Variants in ARHGAP39 observed in about 807,000 individuals in gnomAD.
ARHGAP39 encodes rho GTPase-activating protein 39.
In ARHGAP39, 44 loss-of-function variants were observed where a neutral mutation model predicts 106.9. The ratio of observed to expected loss-of-function variants is 0.41; its 90% CI spans 0.32 to 0.53. ARHGAP39 has a LOEUF of 0.53. Ranked by LOEUF, ARHGAP39 falls within the 20% of genes least tolerant of loss-of-function variation. The probability of loss-of-function intolerance (pLI) is 0.21; values close to 1 mark genes in which losing one functional copy is unlikely to be tolerated. For synonymous variants in ARHGAP39, 768 were observed against 693.2 expected (o/e 1.11, Z -1.69); for missense variants, 1,496 against 1,577.3 (o/e 0.95, Z 0.87).
In ARHGAP39 at chr8:144,532,245, C is replaced by T. The variant is rs1289790857; in HGVS notation, c.2980+60G>A. ...TGGACCCCAGAGGCGGAGACAGGGGCCCCTGAGAACCACTGCCTGAGCCAG... is the reference window on the plus strand; with the variant it reads ...TGGACCCCAGAGGCGGAGACAGGGGTCCCTGAGAACCACTGCCTGAGCCAG... On this transcript the variant is annotated intron_variant, in intron 10 of 11. Transcript: ENST00000377307. 4.0e-6 allele frequency: 6 copies of T among 1,513,020 alleles called. No individual in the cohort carries two copies. The Admixed American group carries it at 5.2e-5, about 13-fold the overall frequency. 93.7% of individuals were successfully genotyped at this position (1,513,020 alleles called of 1,614,324 possible). A position where few individuals can be genotyped will look rare whatever the true frequency, so the allele number is the denominator to read the frequency against.
chr8:144,666,693 G>A (rs748807335), intron 1 of ARHGAP39, among the ~76,000 whole-genome samples: 3 of 152,218 alleles, frequency 2.0e-5, no homozygotes, highest in Non-Finnish European at 4.4e-5. Flanking sequence ...CCCCAGCCAT[G>A]TGGAACGGTA....
chr8:144,547,987 G>A lies in ARHGAP39; in HGVS notation c.1099C>T (p.Pro367Ser). The A allele has an allele frequency of 6.2e-7, 1 of 1,609,774 alleles. No individual in the cohort carries two copies. The highest frequency in any genetic ancestry group is 8.5e-7 in the Non-Finnish European group (1 of 1,178,908). ...LQPNKQGPPS[P>S]CQQLVLTKQK... ...TTGGTGAGCACCAGCTGCTGGCAGG[G>A]CGAGGGGGGGCCCTGCTTGTTGGGC... is the stretch of plus-strand genomic sequence containing the variant. The change falls in exon 5 of 12, where the codon CCC becomes TCC. Residue 367 changes from proline to serine, a missense_variant. Transcript: ENST00000377307. This position sits in a 1 kb window ranked among gnomAD's most constrained non-coding sequence, Gnocchi z 5.2.
chr8:144,648,488 A>C (rs192026338), intron 1 of ARHGAP39, among the ~76,000 whole-genome samples: 26 of 152,346 alleles, frequency 1.7e-4, no homozygotes, highest in African/African-American at 4.3e-4. Context: ...TCGTTCCAGA[A>C]AGAAAACAGC....
At chr8:144,538,778 C>G (rs936047435) in intron 6 of ARHGAP39, among the ~76,000 whole-genome samples, 2 of 152,076 alleles carry the variant, frequency 1.3e-5, no homozygotes, top group Admixed American at 6.6e-5. Flanking sequence ...ACCATGTTGG[C>G]CAGGCTGGTC....
intron 1 of ARHGAP39, among the ~76,000 whole-genome samples, chr8:144,618,809 T>C (rs1295045294): frequency 1.3e-5 from 2 of 152,240 alleles, no homozygotes; most frequent in Non-Finnish European, 2.9e-5. Context: ...CCCCCGGCAC[T>C]GCCTACCTCC....
At chr8:144,672,192 C>T (rs1042017901) in intron 1 of ARHGAP39, among the ~76,000 whole-genome samples, 1 of 152,234 alleles carries the variant, frequency 6.6e-6, no homozygotes, top group African/African-American at 2.4e-5. Flanking sequence ...TCAGAAGCTG[C>T]TCCCCTTTAT....
chr8:144,697,962 G>C, the ARHGAP39 span, among the ~76,000 whole-genome samples: 1 of 152,158 alleles, frequency 6.6e-6, no homozygotes, highest in Non-Finnish European at 1.5e-5. Flanking sequence ...TAAACATAGA[G>C]ATCTGGGTCT....
intron 1 of ARHGAP39, among the ~76,000 whole-genome samples, chr8:144,653,624 C>T (rs1821626546): frequency 6.6e-6 from 1 of 152,194 alleles, no homozygotes; most frequent in African/African-American, 2.4e-5. Context: ...AGTTAAGACT[C>T]CCATGCAGAA....
chr8:144,608,436 A>G (rs1820375725), intron 1 of ARHGAP39, among the ~76,000 whole-genome samples: 1 of 152,104 alleles, frequency 6.6e-6, no homozygotes, highest in Admixed American at 6.5e-5. Flanking sequence ...TTGTCCTCTT[A>G]GACTCAACTC....
chr8:144,555,144 A>G (rs1817868018), intron 4 of ARHGAP39, among the ~76,000 whole-genome samples: 1 of 152,248 alleles, frequency 6.6e-6, no homozygotes, highest in Non-Finnish European at 1.5e-5. Flanking sequence ...GCAGTCTGTG[A>G]GGCTGACCCA....
Position 144,547,491 on chromosome 8 carries a change from C to T in ARHGAP39, c.1595G>A (p.Ser532Asn), listed in dbSNP as rs1340415985. 2 of 1,521,010 alleles carry T rather than the reference C, an allele frequency of 1.3e-6. No homozygotes were observed. The highest frequency in any genetic ancestry group is 1.8e-6 in the Non-Finnish European group (2 of 1,138,176). 94.2% of individuals were successfully genotyped at this position (1,521,010 alleles called of 1,614,324 possible). Reference protein sequence around the residue: ...LAEEQPPCGTSLAPVKRAEGE... With the variant: ...LAEEQPPCGTNLAPVKRAEGE... ...TTCCGCTCGCTTCACGGGGGCGAGG[C>T]TGGTCCCGCACGGGGGCTGTTCCTC... The change falls in exon 5 of 12, where the codon AGC (serine) becomes AAC (asparagine). Residue 532 changes from serine (S) to asparagine (N), a missense_variant. Transcript: ENST00000377307. The surrounding 1 kb of genome is among the most constrained non-coding windows in gnomAD (Gnocchi z 5.2).
chr8:144,561,798 ACCCCAGTG>A, intron 3 of ARHGAP39, among the ~76,000 whole-genome samples: 2 of 134,672 alleles, frequency 1.5e-5, no homozygotes, highest in African/African-American at 6.5e-5. Context: ...TTTCCATCGG[ACCCCAGTG>A]CTTTCCATCA....
In ARHGAP39 at chr8:144,591,367, C is replaced by A. The variant is rs111366901; in HGVS notation, c.81-10090G>T. Among the ~76,000 whole-genome samples, 1 of 152,192 alleles carries A rather than the reference C, an allele frequency of 6.6e-6. No individual in the cohort carries two copies. Among genetic ancestry groups the A allele is most frequent in the South Asian group, 2.1e-4 (1 of 4,832 alleles). On this transcript the variant is annotated intron_variant, in intron 2 of 11. Transcript: ENST00000377307. The surrounding 1 kb of genome is among the most constrained non-coding windows in gnomAD (Gnocchi z 5.3). Reference sequence around the variant, plus strand: ...CAAGGAAACCCCAAGAAGGCACCTGCAAGCAGACATCTGCAGGAAACTTGT... The same window carrying A: ...CAAGGAAACCCCAAGAAGGCACCTGAAAGCAGACATCTGCAGGAAACTTGT...
intron 3 of ARHGAP39, among the ~76,000 whole-genome samples, chr8:144,579,059 G>A (rs1050596859): frequency 6.6e-6 from 1 of 151,136 alleles, no homozygotes; most frequent in African/African-American, 2.4e-5. Flanking sequence ...AAAATTAGCT[G>A]GGCGTGGTGG....
the ARHGAP39 span, chr8:144,698,559 A>G: frequency 7.6e-6 from 2 of 263,902 alleles, no homozygotes; most frequent in South Asian, 6.7e-5. Flanking sequence ...ATCTGGAGCC[A>G]TCTAGAGCTT....
intron 1 of ARHGAP39, 33 bp from the exon 2 acceptor site, chr8:144,605,728 G>T: frequency 2.0e-6 from 2 of 996,442 alleles, no homozygotes; most frequent in South Asian, 1.4e-5. Flanking sequence ...GTGCTGATAT[G>T]GAAGACGCCT....
chr8:144,545,599 C>T lies in ARHGAP39; in HGVS notation c.2171G>A (p.Ser724Asn), dbSNP rs1275409001. Residue 724 changes from serine to asparagine, a missense_variant, in exon 6 of 12, where the codon AGC (serine) becomes AAC (asparagine). By Grantham distance (46) the Ser-to-Asn change is conservative. This residue lies in a region of ARHGAP39 where 470 missense variants were observed against 605.1 expected (regional missense o/e 0.78). Coordinates refer to ENST00000377307, the MANE Select transcript of ARHGAP39 (RefSeq NM_025251.3). ...VSIANMLAWS[S>N]ESIKKPMIVT... The stretch of plus-strand genomic sequence containing the variant: ...GATCATGGGCTTCTTGATGGACTCG[C>T]TGCTCCAGGCCAGCATGTTGGCGAT... The T allele has an allele frequency of 6.2e-7, 1 of 1,613,674 alleles. No individual in the cohort carries two copies. Among genetic ancestry groups the T allele is most frequent in the Non-Finnish European group, 8.5e-7 (1 of 1,180,030 alleles).
chr8:144,572,546 C>A (rs1818622959), intron 3 of ARHGAP39, among the ~76,000 whole-genome samples: 1 of 152,164 alleles, frequency 6.6e-6, no homozygotes. Context: ...CTAGGCATTA[C>A]CATTCAGGAC....
intron 2 of ARHGAP39, among the ~76,000 whole-genome samples, chr8:144,590,326 T>A (rs1819344197): frequency 1.3e-5 from 2 of 152,220 alleles, no homozygotes; most frequent in Admixed American, 6.5e-5. Context: ...AACCTCACGT[T>A]GAGATGTGAT....
Sources: gnomAD v4.1 joint callset for allele counts (sites outside exome capture counted in the v4.1 genomes callset) on GRCh38, gnomAD v4.1.1 for gene constraint, gnomAD v4.1.1 regional missense constraint, Gnocchi (gnomAD v3.1) non-coding constraint, MANE v1.5 for transcripts, NCBI Gene and HGNC (gene_info 2026-07-23, HGNC 2026-07-21) for gene names.